Variants in CCDC66 observed in about 807,000 individuals in gnomAD.
CCDC66 encodes coiled-coil domain containing 66.
CCDC66 carries 133 observed loss-of-function variants against 128.3 expected under a neutral mutation model. The observed-to-expected ratio is 1.04, with a 90% confidence interval of 0.90 to 1.20. The LOEUF (loss-of-function observed/expected upper bound fraction) is 1.20, where lower values mean the gene tolerates loss of function less well. Among genes scored for constraint, CCDC66 ranks in the 50% most tolerant of loss-of-function variants. The pLI is 0.00. For missense variants in CCDC66, 1,126 were observed against 1,075.5 expected, an observed-to-expected ratio of 1.05 and a Z score of -0.66; for synonymous variants, 387 against 357.0, an observed-to-expected ratio of 1.08 and a Z score of -0.95.
At chr3:56,620,014 A>AAAAT (rs2076169664) in intron 17 of CCDC66, 113 bp downstream of exon 17, 2 of 1,142,828 alleles carry the variant, frequency 1.8e-6, no homozygotes, top group Non-Finnish European at 2.4e-6. Context: ...GGATTTAACA[A>AAAAT]AAATATTTCA....
intron 7 of CCDC66, among the ~76,000 whole-genome samples, chr3:56,576,287 G>GT (rs1165809175): frequency 2.8e-5 from 4 of 144,558 alleles, no homozygotes; most frequent in Non-Finnish European, 4.6e-5. Flanking sequence ...AATTTTTTTT[G>GT]TTTTTTTATA....
intron 7 of CCDC66, chr3:56,572,491 T>A (rs2066770780): frequency 1.4e-6 from 1 of 729,490 alleles, no homozygotes; most frequent in Admixed American, 4.2e-5. Context: ...TCTAACCTAT[T>A]TTCCTTGAAG....
Position 56,563,765 on chromosome 3 carries a change from A to AT in CCDC66, c.186dup (p.Gly63TrpfsTer3). 1 of 1,551,772 alleles carries AT rather than the reference A, an allele frequency of 6.4e-7. No individual in the cohort carries two copies. The highest frequency in any genetic ancestry group is 8.7e-7 in the Non-Finnish European group (1 of 1,146,898). On this transcript the variant is annotated frameshift_variant, in exon 4 of 18. Coordinates refer to ENST00000394672, the MANE Select transcript of CCDC66 (RefSeq NM_001141947.3). LOFTEE classifies it high-confidence loss of function. The stretch of plus-strand genomic sequence containing the variant: ...TCTAAAATCAACACAAGATACTTGT[A>AT]TTGGGAGTGAAAAACTTTTGCAAAA...
chr3:56,617,150 C>T lies in CCDC66; in HGVS notation c.1882C>T (p.His628Tyr). 6.3e-7 allele frequency: 1 copy of T among 1,597,400 alleles called. No individual in the cohort carries two copies. The highest frequency in any genetic ancestry group is 1.3e-5 in the African/African-American group (1 of 74,146). Residue 628 changes from histidine (H) to tyrosine (Y), a missense_variant, in exon 14 of 18, where the codon CAT becomes TAT. Coordinates refer to ENST00000394672, the MANE Select transcript of CCDC66 (RefSeq NM_001141947.3). The part of the protein sequence containing the change: ...NIGIFTNAES[H>Y]CGSLMERDIT... ...AGGAATATTCACCAATGCAGAATCACATTGTGGATCATTAATGGAGAGGGA... is the reference window on the plus strand; with the variant it reads ...AGGAATATTCACCAATGCAGAATCATATTGTGGATCATTAATGGAGAGGGA...
intron 10 of CCDC66, among the ~76,000 whole-genome samples, chr3:56,609,576 T>C (rs1200891789): frequency 2.6e-5 from 4 of 152,236 alleles, no homozygotes; most frequent in African/African-American, 9.6e-5. Flanking sequence ...CATTCAATGT[T>C]AATATTGAAA....
intron 10 of CCDC66, among the ~76,000 whole-genome samples, chr3:56,599,085 C>T (rs2072671649): frequency 6.6e-6 from 1 of 151,990 alleles, no homozygotes; most frequent in Admixed American, 6.6e-5. Flanking sequence ...ATTACCAATT[C>T]AGTCTTATTA....
chr3:56,586,521 C>T (rs1246927833), intron 7 of CCDC66, among the ~76,000 whole-genome samples: 1 of 141,720 alleles, frequency 7.1e-6, no homozygotes, highest in Non-Finnish European at 1.6e-5. Flanking sequence ...CAGAGCAAGA[C>T]TCTTTCTCAA....
chr3:56,602,775 T>A (rs1217746880), intron 10 of CCDC66, among the ~76,000 whole-genome samples: 3 of 151,834 alleles, frequency 2.0e-5, no homozygotes, highest in Non-Finnish European at 4.4e-5. Flanking sequence ...GAGGTGTTTA[T>A]AGTATTCTTT....
At chr3:56,617,653 AAC>A (rs778795149) in intron 14 of CCDC66, 48 bp downstream of exon 14, 63 of 1,545,600 alleles carry the variant, frequency 4.1e-5, no homozygotes, top group South Asian at 2.5e-4. Context: ...CTGGATTCAA[AAC>A]ACAGTTTCTC....
At chr3:56,592,213 T>G (rs2071032182) in intron 7 of CCDC66, among the ~76,000 whole-genome samples, 2 of 152,176 alleles carry the variant, frequency 1.3e-5, no homozygotes, top group Non-Finnish European at 2.9e-5. Flanking sequence ...ATAGGGAAAG[T>G]CTCTTGCTCT....
chr3:56,557,399 CG>C, intron 1 of CCDC66, 146 bp downstream of exon 1: 6 of 1,106,324 alleles, frequency 5.4e-6, no homozygotes, highest in Non-Finnish European at 7.7e-6. Flanking sequence ...GCCCAGTTCT[CG>C]GGTAGAAGAT....
intron 3 of CCDC66, among the ~76,000 whole-genome samples, chr3:56,561,667 C>T (rs2065116956): frequency 6.6e-6 from 1 of 152,180 alleles, no homozygotes; most frequent in African/African-American, 2.4e-5. Flanking sequence ...AGAGATCCTC[C>T]TCATTTCTTT....
At chr3:56,573,588 T>C (rs1559633133) in intron 7 of CCDC66, among the ~76,000 whole-genome samples, 1 of 152,228 alleles carries the variant, frequency 6.6e-6, no homozygotes, top group Non-Finnish European at 1.5e-5. Flanking sequence ...GTTAGCATGA[T>C]CCAAGGGTAG....
At chr3:56,574,696 T>C (rs2067128744) in intron 7 of CCDC66, among the ~76,000 whole-genome samples, 2 of 151,750 alleles carry the variant, frequency 1.3e-5, no homozygotes, top group African/African-American at 2.4e-5. Context: ...GTTCTACTTA[T>C]AATTTAAAGA....
Position 56,613,469 on chromosome 3 carries a change from T to C in CCDC66, c.1405-120T>C, listed in dbSNP as rs2075114059. 7 of 1,032,242 alleles carry C rather than the reference T, an allele frequency of 6.8e-6. No homozygotes were observed. In the Admixed American group the frequency reaches 1.1e-4, roughly 17 times the overall value. 63.9% of individuals were successfully genotyped at this position (1,032,242 alleles called of 1,614,324 possible). A position where few individuals can be genotyped will look rare whatever the true frequency, so the allele number is the denominator to read the frequency against. ...TACGTGAAGTATGATTGTCTACTCA[T>C]TATTTTGGTTCCCCTCTGTGGAAGA... On this transcript the variant is annotated intron_variant, in intron 10 of 17. Coordinates refer to ENST00000394672, the MANE Select transcript of CCDC66 (RefSeq NM_001141947.3).
chr3:56,605,538 G>A (rs2073942224), intron 10 of CCDC66, among the ~76,000 whole-genome samples: 1 of 151,968 alleles, frequency 6.6e-6, no homozygotes, highest in Non-Finnish European at 1.5e-5. Flanking sequence ...TCTGCTGCAG[G>A]TCTGCTGGAG....
At chr3:56,565,647 C>T (rs1396724159) in intron 4 of CCDC66, among the ~76,000 whole-genome samples, 1 of 150,080 alleles carries the variant, frequency 6.7e-6, no homozygotes, top group African/African-American at 2.5e-5. Flanking sequence ...GATGGAGTCT[C>T]GCTCCGTTGC....
chr3:56,595,483 G>A (rs1213969246), intron 10 of CCDC66, among the ~76,000 whole-genome samples: 1 of 152,132 alleles, frequency 6.6e-6, no homozygotes, highest in Non-Finnish European at 1.5e-5. Flanking sequence ...CCACATATGA[G>A]TGGGAACATG....
At chr3:56,606,336 C>A (rs2074065392) in intron 10 of CCDC66, among the ~76,000 whole-genome samples, 2 of 152,066 alleles carry the variant, frequency 1.3e-5, no homozygotes, top group Admixed American at 6.5e-5. Flanking sequence ...AAAAAAAACT[C>A]CTACAGTTAG....
Sources: allele counts gnomAD v4.1 joint callset (sites outside exome capture counted in the v4.1 genomes callset), GRCh38; gene constraint gnomAD v4.1.1; transcripts MANE v1.5; gene names NCBI Gene and HGNC (gene_info 2026-07-23, HGNC 2026-07-21).